Variants in SMIM13 observed in about 807,000 individuals in gnomAD.
SMIM13 encodes the protein small integral membrane protein 13, also known as UPF0766 protein C6orf228.
Under a neutral mutation model 5.9 loss-of-function variants are expected in SMIM13, and 3 were observed. That is an observed-to-expected ratio of 0.51 (90% CI 0.23 to 1.31). SMIM13 has a LOEUF of 1.31. Among genes scored for constraint, SMIM13 ranks in the 40% most tolerant of loss-of-function variants. The pLI, the probability that SMIM13 is intolerant of heterozygous loss-of-function variation, is 0.18. For synonymous variants in SMIM13, 55 were observed against 46.0 expected (o/e 1.19, Z -0.79); for missense variants, 85 against 109.9 (o/e 0.77, Z 1.01).
Position 11,094,299 on chromosome 6 carries a change from C to T in SMIM13, c.-15C>T. ...GCGCCAGCCGCCCCGAGCCGACTGC[C>T]CTTCTGCCCCCAAGATGTGGCACAG... On this transcript the variant is annotated 5_prime_UTR_variant, in exon 1 of 2. Transcript: ENST00000416247. The T allele has an allele frequency of 1.4e-6, 2 of 1,445,704 alleles. No homozygotes were observed. Among genetic ancestry groups the T allele is most frequent in the Non-Finnish European group, 9.2e-7 (1 of 1,092,486 alleles). 89.6% of individuals were successfully genotyped at this position (1,445,704 alleles called of 1,614,324 possible).
At position 11,137,298 on chromosome 6, in the gene SMIM13, G is replaced by C. The variant is rs547063229; in HGVS notation, c.*2696G>C. The C allele has an allele frequency of 1.3e-5, 2 of 151,826 alleles. No homozygotes were observed. The highest frequency in any genetic ancestry group is 2.9e-5 in the Non-Finnish European group (2 of 67,956). The allele number at this position is 151,826 out of a possible 1,614,324, so 9.4% of individuals were successfully genotyped here. A position where few individuals can be genotyped will look rare whatever the true frequency, so the allele number is the denominator to read the frequency against. On this transcript the variant is annotated 3_prime_UTR_variant, in exon 2 of 2. Coordinates refer to ENST00000416247, the MANE Select transcript of SMIM13 (RefSeq NM_001135575.2). ...CTTTGTTTAGAACTTTTTTCTCTTCGTGCACCTCACAACACACTTACCATG... is the reference window on the plus strand; with the variant it reads ...CTTTGTTTAGAACTTTTTTCTCTTCCTGCACCTCACAACACACTTACCATG...
chr6:11,120,732 AGCTG>A (rs145724846), intron 1 of SMIM13, among the ~76,000 whole-genome samples: 5,109 of 152,298 alleles, frequency 0.034, 193 homozygotes, highest in East Asian at 0.12. Flanking sequence ...TGTCTTATGT[AGCTG>A]GCTGTCTTCC....
chr6:11,099,790 C>A (rs1170012875), intron 1 of SMIM13, among the ~76,000 whole-genome samples: 3 of 152,124 alleles, frequency 2.0e-5, no homozygotes, highest in Non-Finnish European at 2.9e-5. Context: ...GCTTTACAGA[C>A]CTAAATAGCC....
At chr6:11,100,302 C>G (rs951923740) in intron 1 of SMIM13, among the ~76,000 whole-genome samples, 3 of 152,160 alleles carry the variant, frequency 2.0e-5, no homozygotes, top group Non-Finnish European at 2.9e-5. Context: ...CCTCGTGATC[C>G]ACCTGCCTCG....
intron 1 of SMIM13, among the ~76,000 whole-genome samples, chr6:11,112,256 T>A (rs888583713): frequency 3.3e-5 from 5 of 151,666 alleles, no homozygotes; most frequent in Non-Finnish European, 5.9e-5. Flanking sequence ...TAGAACTGCT[T>A]GCTTTTTTTT....
intron 1 of SMIM13, among the ~76,000 whole-genome samples, chr6:11,108,050 G>C (rs1007358813): frequency 6.6e-6 from 1 of 152,160 alleles, no homozygotes; most frequent in African/African-American, 2.4e-5. Context: ...TTTGAAAAAG[G>C]GGGTGTTGGC....
intron 1 of SMIM13, among the ~76,000 whole-genome samples, chr6:11,126,605 A>G (rs1485964137): frequency 2.0e-5 from 3 of 152,126 alleles, no homozygotes; most frequent in Non-Finnish European, 1.5e-5. Context: ...AAGGTCACAT[A>G]TCTCTGGGAG....
rs565464822 is a variant in SMIM13, at chr6:11,138,232, G to A, written c.*3630G>A. 21 of 152,310 alleles carry A rather than the reference G, an allele frequency of 1.4e-4. No individual in the cohort carries two copies. The highest frequency in any genetic ancestry group is 2.6e-4 in the Admixed American group (4 of 15,286). The allele number at this position is 152,310 out of a possible 1,614,324, so 9.4% of individuals were successfully genotyped here. ...CCTCAGAGGTTATGGACTCTCAAGC[G>A]ACTAATGGAATAGTGTTCTGTTGTG... On this transcript the variant is annotated 3_prime_UTR_variant, in exon 2 of 2. Transcript: ENST00000416247.
At chr6:11,099,105 C>T (rs545702777) in intron 1 of SMIM13, among the ~76,000 whole-genome samples, 51 of 152,242 alleles carry the variant, frequency 3.3e-4, no homozygotes, top group Admixed American at 6.5e-4. Context: ...ATTTAAATGT[C>T]TGCTCTAGCT....
intron 1 of SMIM13, among the ~76,000 whole-genome samples, chr6:11,125,434 A>G (rs930798759): frequency 3.9e-5 from 6 of 152,044 alleles, no homozygotes; most frequent in African/African-American, 1.5e-4. Context: ...CGTCTCTACT[A>G]AAAATACAAA....
intron 1 of SMIM13, among the ~76,000 whole-genome samples, chr6:11,116,184 A>G (rs903854410): frequency 1.3e-5 from 2 of 150,198 alleles, no homozygotes; most frequent in African/African-American, 4.9e-5. Context: ...CACACAGCTA[A>G]TTTTTGTATT....
intron 1 of SMIM13, among the ~76,000 whole-genome samples, chr6:11,100,623 A>G (rs1033134240): frequency 9.9e-5 from 15 of 152,278 alleles, no homozygotes; most frequent in Admixed American, 9.2e-4. Flanking sequence ...ATTTTCTAGT[A>G]GCTTTCTAGG....
Position 11,094,207 on chromosome 6 carries a change from G to T in SMIM13, c.-107G>T. On this transcript the variant is annotated 5_prime_UTR_variant, in exon 1 of 2. Transcript: ENST00000416247. ...CGCCAGCCGCCCATGCCGCCCCGGC[G>T]CCCAGCCGCGCCTGGCGCCCGCCGC... The T allele has an allele frequency of 2.6e-6, 1 of 386,726 alleles. No homozygotes were observed. The highest frequency in any genetic ancestry group is 3.6e-6 in the Non-Finnish European group (1 of 281,596). The allele number at this position is 386,726 out of a possible 1,614,324, so 24.0% of individuals were successfully genotyped here.
intron 1 of SMIM13, 116 bp downstream of exon 1, chr6:11,094,505 CT>C: frequency 1.2e-6 from 1 of 808,482 alleles, no homozygotes; most frequent in Non-Finnish European, 1.9e-6. Context: ...GGACAATTGT[CT>C]TAAAATCAAC....
intron 1 of SMIM13, among the ~76,000 whole-genome samples, chr6:11,128,382 C>G (rs72825140): frequency 0.022 from 3,388 of 152,242 alleles, 53 homozygotes; most frequent in South Asian, 0.049. Flanking sequence ...TATGGCTAAG[C>G]TGATACCCAA....
intron 1 of SMIM13, among the ~76,000 whole-genome samples, chr6:11,116,158 C>G (rs931961484): frequency 2.0e-5 from 3 of 151,956 alleles, no homozygotes; most frequent in African/African-American, 7.3e-5. Context: ...GCTGGGACTA[C>G]AGGCATGCAG....
intron 1 of SMIM13, among the ~76,000 whole-genome samples, chr6:11,110,538 C>G (rs1758151485): frequency 6.6e-6 from 1 of 152,092 alleles, no homozygotes; most frequent in Non-Finnish European, 1.5e-5. Flanking sequence ...CTTTGAAGGT[C>G]CTGATACATA....
At position 11,130,253 on chromosome 6, in the gene SMIM13, TAAAA is replaced by T. The variant is rs35012412; in HGVS notation, c.77-4137_77-4134del. ...CAACCTATCATTACAGTAGTCATTGTAAAAAAAAAAAAAAAACAACAACAACAAC... is the reference window on the plus strand; with the variant it reads ...CAACCTATCATTACAGTAGTCATTGTAAAAAAAAAAAACAACAACAACAAC... On this transcript the variant is annotated intron_variant, in intron 1 of 1. Coordinates refer to ENST00000416247, the MANE Select transcript of SMIM13 (RefSeq NM_001135575.2). 1.2e-4 allele frequency among the ~76,000 whole-genome samples: 17 copies of T among 140,156 alleles called. No individual in the cohort carries two copies. The East Asian group carries it at 1.8e-3, about 15-fold the overall frequency. The allele number at this position is 140,156 out of a possible 152,430, so 91.9% of individuals were successfully genotyped here.
chr6:11,104,729 C>T (rs1457794537), intron 1 of SMIM13: 3 of 1,614,176 alleles, frequency 1.9e-6, no homozygotes, highest in African/African-American at 1.3e-5. Context: ...TTGGGCGTCC[C>T]TGGCAAAACC....
Sources: gnomAD v4.1 joint callset for allele counts (sites outside exome capture counted in the v4.1 genomes callset) on GRCh38, gnomAD v4.1.1 for gene constraint, MANE v1.5 for transcripts, NCBI Gene and HGNC (gene_info 2026-07-23, HGNC 2026-07-21) for gene names.